The following ROBO1 variants were observed in gnomAD, a reference collection of about 807,000 sequenced individuals.
The protein encoded by ROBO1 is roundabout guidance receptor 1, also known as roundabout homolog 1.
In ROBO1, 149 loss-of-function variants were observed where a neutral mutation model predicts 195.9. That is an observed-to-expected ratio of 0.76 (90% CI 0.67 to 0.87). ROBO1 has a LOEUF of 0.87. Among genes scored for constraint, ROBO1 ranks in the 40% least tolerant of loss-of-function variants. The probability of loss-of-function intolerance (pLI) is 0.00; values close to 1 mark genes in which losing one functional copy is unlikely to be tolerated. For synonymous variants in ROBO1, 816 were observed against 733.2 expected (o/e 1.11, Z -1.82); for missense variants, 1,933 against 2,068.3 (o/e 0.93, Z 1.27).
At position 79,459,977 on chromosome 3, in the gene ROBO1, T is replaced by G. The variant is rs1038916440; in HGVS notation, c.88+129847A>C. On this transcript the variant is annotated intron_variant, in intron 2 of 30. Transcript: ENST00000464233. The stretch of plus-strand genomic sequence containing the variant: ...TAGTAAGCTTAGGATTTTATAATTT[T>G]TCTTTGAAGTGATAAATAATATGTA... Among the ~76,000 whole-genome samples, 4 of 152,122 alleles carry G rather than the reference T, an allele frequency of 2.6e-5. 1 individual carries two copies. The highest frequency in any genetic ancestry group is 6.5e-5 in the Admixed American group (1 of 15,274).
chr3:79,504,739 T>C (rs1315595981), intron 2 of ROBO1, among the ~76,000 whole-genome samples: 3 of 152,322 alleles, frequency 2.0e-5, no homozygotes, highest in South Asian at 2.1e-4. Flanking sequence ...ATTTGTTTGA[T>C]TTTTTTCTTA....
At chr3:78,857,733 T>A (rs938338684) in intron 4 of ROBO1, among the ~76,000 whole-genome samples, 7 of 152,156 alleles carry the variant, frequency 4.6e-5, no homozygotes, top group African/African-American at 1.4e-4. Flanking sequence ...ACTCACAGCA[T>A]TAAGGAAATT....
At chr3:79,362,027 AATCTAC>A (rs1249770467) in intron 2 of ROBO1, among the ~76,000 whole-genome samples, 1 of 152,124 alleles carries the variant, frequency 6.6e-6, no homozygotes, top group African/African-American at 2.4e-5. Context: ...GCCGGACATG[AATCTAC>A]ATCACACATA....
intron 1 of ROBO1, among the ~76,000 whole-genome samples, chr3:79,748,388 A>G (rs1467919120): frequency 1.3e-5 from 2 of 152,226 alleles, no homozygotes; most frequent in Non-Finnish European, 2.9e-5. Flanking sequence ...TATGTATCAG[A>G]TGGGAGAGAT....
intron 1 of ROBO1, among the ~76,000 whole-genome samples, chr3:79,745,812 C>A (rs895831435): frequency 6.6e-6 from 1 of 152,036 alleles, no homozygotes; most frequent in Non-Finnish European, 1.5e-5. Context: ...TATATGTATA[C>A]AATTGGCTTA....
At chr3:79,582,357 A>G (rs1268960508) in intron 2 of ROBO1, among the ~76,000 whole-genome samples, 1 of 151,734 alleles carries the variant, frequency 6.6e-6, no homozygotes, top group Non-Finnish European at 1.5e-5. Flanking sequence ...GAGATCAAGA[A>G]CCTATCTGAA....
At chr3:79,060,241 A>G (rs1022842403) in intron 3 of ROBO1, among the ~76,000 whole-genome samples, 1 of 151,974 alleles carries the variant, frequency 6.6e-6, no homozygotes, top group Admixed American at 6.6e-5. Flanking sequence ...TTTATCAATG[A>G]CAATGTGTGC....
chr3:79,763,325 T>C (rs905375449), intron 1 of ROBO1, among the ~76,000 whole-genome samples: 2 of 152,010 alleles, frequency 1.3e-5, no homozygotes, highest in Non-Finnish European at 2.9e-5. Context: ...TATGTAAAAG[T>C]ATATAAGGTA....
intron 4 of ROBO1, among the ~76,000 whole-genome samples, chr3:78,859,004 G>T (rs576686659): frequency 6.6e-6 from 1 of 151,944 alleles, no homozygotes; most frequent in Admixed American, 6.6e-5. Flanking sequence ...TTTTCTCAAC[G>T]TGCGTAAATC....
chr3:79,130,084 C>A (rs1422995631), intron 2 of ROBO1, among the ~76,000 whole-genome samples: 1 of 38,354 alleles, frequency 2.6e-5, no homozygotes, highest in East Asian at 6.1e-4. Context: ...GTTACTGTAG[C>A]CTTGTAGTAT....
Position 79,556,679 on chromosome 3 carries a change from T to C in ROBO1, c.88+33145A>G, listed in dbSNP as rs905743143. 3.3e-5 allele frequency among the ~76,000 whole-genome samples: 5 copies of C among 151,996 alleles called. No homozygotes were observed. The East Asian group carries it at 9.6e-4, about 29-fold the overall frequency. On this transcript the variant is annotated intron_variant, in intron 2 of 30. Transcript: ENST00000464233. ...ATGCACATATATTTATATGTACTCA[T>C]GTTTACTGATATAAAAATTAGTAAA...
intron 2 of ROBO1, among the ~76,000 whole-genome samples, chr3:79,491,628 T>TA (rs2107451006): frequency 6.6e-6 from 1 of 152,274 alleles, no homozygotes; most frequent in Non-Finnish European, 1.5e-5. Context: ...TTTTATCTTC[T>TA]AGAGTGAAAG....
chr3:78,738,531 T>C (rs2082447099), intron 5 of ROBO1, among the ~76,000 whole-genome samples: 1 of 152,206 alleles, frequency 6.6e-6, no homozygotes, highest in African/African-American at 2.4e-5. Flanking sequence ...AGCTATTTTT[T>C]ACTTACCTTA....
chr3:79,178,354 TGTA>T (rs1466096635), intron 2 of ROBO1, among the ~76,000 whole-genome samples: 1 of 152,206 alleles, frequency 6.6e-6, no homozygotes, highest in Non-Finnish European at 1.5e-5. Context: ...AGAAATTAAT[TGTA>T]TACGTTTCTA....
At chr3:78,965,010 G>A (rs1238646647) in intron 3 of ROBO1, among the ~76,000 whole-genome samples, 1 of 151,520 alleles carries the variant, frequency 6.6e-6, no homozygotes, top group Non-Finnish European at 1.5e-5. Flanking sequence ...TCAATTTAAG[G>A]TCTTTTTTAT....
intron 2 of ROBO1, among the ~76,000 whole-genome samples, chr3:79,138,175 A>G (rs1247521472): frequency 6.6e-6 from 1 of 152,076 alleles, no homozygotes; most frequent in Non-Finnish European, 1.5e-5. Context: ...TTATTCTTCA[A>G]CAACAAAGAT....
chr3:78,735,098 G>A (rs1041896772), intron 5 of ROBO1, among the ~76,000 whole-genome samples: 2 of 152,116 alleles, frequency 1.3e-5, no homozygotes, highest in African/African-American at 4.8e-5. Context: ...AGTTTTACAA[G>A]TGTTTGGTTT....
At chr3:79,554,037 G>T (rs919998915) in intron 2 of ROBO1, among the ~76,000 whole-genome samples, 1 of 151,922 alleles carries the variant, frequency 6.6e-6, no homozygotes, top group Admixed American at 6.6e-5. Flanking sequence ...GGTATAATAG[G>T]TGAATAATAA....
intron 2 of ROBO1, among the ~76,000 whole-genome samples, chr3:79,264,590 A>T (rs2083001196): frequency 6.6e-6 from 1 of 151,918 alleles, no homozygotes; most frequent in African/African-American, 2.4e-5. Context: ...CATGCTTGTT[A>T]AGTATAAAAC....
Sources: gnomAD v4.1 joint callset for allele counts (sites outside exome capture counted in the v4.1 genomes callset) on GRCh38, gnomAD v4.1.1 for gene constraint, MANE v1.5 for transcripts, NCBI Gene and HGNC (gene_info 2026-07-23, HGNC 2026-07-21) for gene names.